POLN: variants seen among roughly 807,000 people sequenced by gnomAD.
The protein encoded by POLN is DNA polymerase N.
In POLN, 108 loss-of-function variants were observed where a neutral mutation model predicts 113.5. The ratio of observed to expected loss-of-function variants is 0.95; its 90% CI spans 0.81 to 1.12. The LOEUF (loss-of-function observed/expected upper bound fraction) is 1.12. POLN is among the 50% of genes most tolerant of loss of function. The pLI, the probability that POLN is intolerant of heterozygous loss-of-function variation, is 0.00. For synonymous variants in POLN, 386 were observed against 391.5 expected, an observed-to-expected ratio of 0.99 and a Z score of 0.17; for missense variants, 1,097 against 1,077.1, an observed-to-expected ratio of 1.02 and a Z score of -0.26.
chr4:2,135,061 A>G (rs1476195556), intron 16 of POLN, among the ~76,000 whole-genome samples: 1 of 152,228 alleles, frequency 6.6e-6, no homozygotes, highest in Admixed American at 6.5e-5. Flanking sequence ...GAACTCGCAC[A>G]CAAATCTGGC....
chr4:2,143,705 T>C (rs1038347932), intron 16 of POLN, among the ~76,000 whole-genome samples: 2 of 152,128 alleles, frequency 1.3e-5, no homozygotes, highest in African/African-American at 4.8e-5. Context: ...AAACTAGTAG[T>C]ACCCTGAAAC....
intron 25 of POLN, among the ~76,000 whole-genome samples, chr4:2,072,741 A>C (rs1252105198): frequency 6.6e-6 from 1 of 152,120 alleles, no homozygotes; most frequent in Non-Finnish European, 1.5e-5. Flanking sequence ...CTTGACAGGG[A>C]GGGAGGGGTC....
intron 19 of POLN, among the ~76,000 whole-genome samples, chr4:2,123,310 C>T (rs147582381): frequency 1.3e-5 from 2 of 151,338 alleles, no homozygotes; most frequent in African/African-American, 4.9e-5. Flanking sequence ...GCCAACATGG[C>T]GAAACCTCAT....
rs534372532 is a variant in POLN, at chr4:2,168,248, G to A, written c.1554+2431C>T. Among the ~76,000 whole-genome samples, 10 of 152,220 alleles carry A rather than the reference G, an allele frequency of 6.6e-5. No homozygotes were observed. The South Asian group carries it at 1.9e-3, about 28-fold the overall frequency. ...GGGGATACCATCAGCTGGTTTCCCC[G>A]ACATCAAACATGGATTCATGGAGGA... On this transcript the variant is annotated intron_variant, in intron 13 of 25. Transcript: ENST00000511885.
rs1471941878 is a variant in POLN, at chr4:2,166,557, T to C, written c.1554+4122A>G. Among the ~76,000 whole-genome samples, 4 of 152,156 alleles carry C rather than the reference T, an allele frequency of 2.6e-5. No homozygotes were observed. In the East Asian group the frequency reaches 7.7e-4, roughly 29 times the overall value. On this transcript the variant is annotated intron_variant, in intron 13 of 25. Transcript: ENST00000511885. ...CGAGTGTTTCCAGAGGAGGCTGGCA[T>C]GTGGGTTGGTGGACTGAGCAGGGAA...
chr4:2,223,553 C>T (rs1322661059), intron 3 of POLN, among the ~76,000 whole-genome samples: 1 of 152,202 alleles, frequency 6.6e-6, no homozygotes, highest in Non-Finnish European at 1.5e-5. Context: ...AAACCAGTCC[C>T]TGGCGCCAAA....
chr4:2,198,996 T>A (rs1401037630), intron 5 of POLN, among the ~76,000 whole-genome samples: 1 of 152,118 alleles, frequency 6.6e-6, no homozygotes, highest in African/African-American at 2.4e-5. Flanking sequence ...AGCATCATAC[T>A]TTCCCTATTA....
chr4:2,208,300 T>G lies in POLN; in HGVS notation c.401A>C (p.His134Pro), dbSNP rs1450100993. ...QEASVLQKKG[H>P]KRKHFLMENI... ...CTCCATTAGGAAATGCTTTCTTTTA[T>G]GCCCCTTTTTCTGTAGAACTGAAGC... The change falls in exon 5 of 26, where the codon CAT becomes CCT. Residue 134 changes from histidine (H) to proline (P), a missense_variant. Physicochemically the swap from His to Pro is moderately conservative, Grantham distance 77. Transcript: ENST00000511885. The G allele has an allele frequency of 6.2e-7, 1 of 1,602,454 alleles. No individual in the cohort carries two copies. The highest frequency in any genetic ancestry group is 8.5e-7 in the Non-Finnish European group (1 of 1,173,524).
chr4:2,143,918 C>T (rs1158903213), intron 16 of POLN, among the ~76,000 whole-genome samples: 1 of 151,968 alleles, frequency 6.6e-6, no homozygotes, highest in African/African-American at 2.4e-5. Flanking sequence ...TCTTAATAAC[C>T]CAAAACTGGA....
intron 3 of POLN, among the ~76,000 whole-genome samples, chr4:2,223,801 T>C (rs1006294824): frequency 9.2e-5 from 14 of 152,308 alleles, no homozygotes; most frequent in Admixed American, 3.3e-4. Context: ...ATGGTACTTA[T>C]ATAGGGCACT....
chr4:2,138,030 G>A (rs1731903743), intron 16 of POLN, among the ~76,000 whole-genome samples: 2 of 152,134 alleles, frequency 1.3e-5, no homozygotes, highest in Admixed American at 1.3e-4. Flanking sequence ...GTACAGACAA[G>A]GTTTCATCAT....
intron 5 of POLN, among the ~76,000 whole-genome samples, chr4:2,201,712 T>C (rs1338583633): frequency 1.3e-5 from 2 of 152,126 alleles, no homozygotes; most frequent in Admixed American, 6.5e-5. Flanking sequence ...ACCTGGGAAA[T>C]TCATTGCAAA....
chr4:2,162,884 G>A (rs1732633498), intron 13 of POLN, among the ~76,000 whole-genome samples: 1 of 151,896 alleles, frequency 6.6e-6, no homozygotes, highest in South Asian at 2.1e-4. Flanking sequence ...TTAATTCCTA[G>A]TAATTCCTAT....
intron 7 of POLN, among the ~76,000 whole-genome samples, chr4:2,187,659 C>G (rs1458823793): frequency 6.6e-6 from 1 of 152,152 alleles, no homozygotes; most frequent in Non-Finnish European, 1.5e-5. Context: ...TATTACACTA[C>G]ACATATAATA....
At chr4:2,080,874 C>CA (rs1336776823) in intron 23 of POLN, 84 bp downstream of exon 23, 6 of 1,606,364 alleles carry the variant, frequency 3.7e-6, no homozygotes, top group East Asian at 4.5e-5. Flanking sequence ...AGATGGTGAT[C>CA]ATCAGAATCA....
At chr4:2,125,405 G>T (rs1731554333) in intron 19 of POLN, among the ~76,000 whole-genome samples, 1 of 152,178 alleles carries the variant, frequency 6.6e-6, no homozygotes, top group Non-Finnish European at 1.5e-5. Context: ...AGTAAGAGCG[G>T]GGGTTCTTTT....
At chr4:2,220,253 G>GCTTTC (rs1318412815) in intron 3 of POLN, among the ~76,000 whole-genome samples, 1 of 152,150 alleles carries the variant, frequency 6.6e-6, no homozygotes, top group African/African-American at 2.4e-5. Context: ...GCTTTGCTTT[G>GCTTTC]CTTTCCTTTC....
intron 16 of POLN, among the ~76,000 whole-genome samples, chr4:2,140,377 A>G (rs1330016833): frequency 6.6e-6 from 1 of 152,168 alleles, no homozygotes; most frequent in East Asian, 1.9e-4. Context: ...GTGCCTGGCC[A>G]GGATTTGTTA....
intron 19 of POLN, among the ~76,000 whole-genome samples, chr4:2,122,730 G>A (rs1405462284): frequency 6.6e-6 from 1 of 152,136 alleles, no homozygotes; most frequent in African/African-American, 2.4e-5. Flanking sequence ...AAATGATTAA[G>A]ATGGTAAATT....
Sources: gnomAD v4.1 joint callset for allele counts (sites outside exome capture counted in the v4.1 genomes callset) on GRCh38, gnomAD v4.1.1 for gene constraint, MANE v1.5 for transcripts, NCBI Gene and HGNC (gene_info 2026-07-23, HGNC 2026-07-21) for gene names.